Variants in CCSER1 observed in about 807,000 individuals in gnomAD.
The protein encoded by CCSER1 is coiled-coil serine rich protein 1, also known as serine-rich coiled-coil domain-containing protein 1.
In CCSER1, 41 loss-of-function variants were observed where a neutral mutation model predicts 82.0. The observed-to-expected ratio is 0.50, with a 90% CI of 0.39 to 0.65. The LOEUF is 0.65. CCSER1 is among the 30% of genes least tolerant of loss of function. The probability of loss-of-function intolerance (pLI) is 0.00; values close to 1 mark genes in which losing one functional copy is unlikely to be tolerated. For synonymous variants in CCSER1, 414 were observed against 383.9 expected, an observed-to-expected ratio of 1.08 and a Z score of -0.92; for missense variants, 1,119 against 1,064.2, an observed-to-expected ratio of 1.05 and a Z score of -0.72.
At chr4:90,794,156 CT>C (rs1755650733) in intron 7 of CCSER1, among the ~76,000 whole-genome samples, 1 of 152,096 alleles carries the variant, frequency 6.6e-6, no homozygotes. Flanking sequence ...TGCAGAAGGT[CT>C]TTTGTTTAAT....
intron 3 of CCSER1, among the ~76,000 whole-genome samples, chr4:90,318,743 A>G (rs1736600594): frequency 6.6e-6 from 1 of 152,110 alleles, no homozygotes; most frequent in Non-Finnish European, 1.5e-5. Flanking sequence ...CTGTTTTCTC[A>G]TTTATTAGCT....
Position 90,565,035 on chromosome 4 carries a change from AT to A in CCSER1, c.1725-62976del, listed in dbSNP as rs559940576. On this transcript the variant is annotated intron_variant, in intron 5 of 10. Transcript: ENST00000509176. ...TTCTGTGCTCCTATACAAAGTTCAG[AT>A]TTTTTTTTTTTTTCTGTGAAGATTG... Among the ~76,000 whole-genome samples the A allele has an allele frequency of 7.0e-3, 985 of 140,824 alleles. 9 individuals carry two copies. The highest frequency in any genetic ancestry group is 0.027 in the East Asian group (132 of 4,804). 92.4% of individuals were successfully genotyped at this position (140,824 alleles called of 152,430 possible). A position where few individuals can be genotyped will look rare whatever the true frequency, so the allele number is the denominator to read the frequency against.
intron 1 of CCSER1, among the ~76,000 whole-genome samples, chr4:90,213,963 T>C (rs975509235): frequency 6.6e-6 from 1 of 152,136 alleles, no homozygotes; most frequent in Admixed American, 6.6e-5. Flanking sequence ...AATAAGTCAA[T>C]AGCTGGAGGG....
At chr4:91,506,318 T>C (rs1314768547) in intron 10 of CCSER1, among the ~76,000 whole-genome samples, 1 of 152,066 alleles carries the variant, frequency 6.6e-6, no homozygotes, top group Non-Finnish European at 1.5e-5. Context: ...CAGTACCATG[T>C]TGTTTTGGCT....
intron 10 of CCSER1, among the ~76,000 whole-genome samples, chr4:91,318,089 G>A (rs1560586195): frequency 6.6e-6 from 1 of 151,800 alleles, no homozygotes; most frequent in African/African-American, 2.4e-5. Flanking sequence ...CACTCTTGCT[G>A]GTCATTGTAC....
intron 3 of CCSER1, among the ~76,000 whole-genome samples, chr4:90,322,126 A>C (rs1737256743): frequency 6.6e-6 from 1 of 152,134 alleles, no homozygotes; most frequent in Admixed American, 6.6e-5. Flanking sequence ...TCTTAGATTT[A>C]AGTGTTAATC....
chr4:90,244,207 G>A (rs1160383861), intron 1 of CCSER1, among the ~76,000 whole-genome samples: 1 of 152,168 alleles, frequency 6.6e-6, no homozygotes, highest in African/African-American at 2.4e-5. Flanking sequence ...TGTGAGTGGA[G>A]AGAAAATTAT....
chr4:91,097,944 C>A lies in CCSER1; in HGVS notation c.2217+11950C>A, dbSNP rs187352980. On this transcript the variant is annotated intron_variant, in intron 10 of 10. Coordinates refer to ENST00000509176, the MANE Select transcript of CCSER1 (RefSeq NM_001145065.2). ...ACTTTCTCTGCTGGATTACAGTGTG[C>A]TGATTCTCCATTTTCTTTGCTGAAA... Among the ~76,000 whole-genome samples the A allele has an allele frequency of 2.6e-5, 4 of 152,240 alleles. No individual in the cohort carries two copies. The East Asian group carries it at 7.7e-4, about 29-fold the overall frequency.
chr4:90,652,956 T>G lies in CCSER1; in HGVS notation c.1932+24724T>G, dbSNP rs532001818. Among the ~76,000 whole-genome samples the G allele has an allele frequency of 2.6e-5, 4 of 152,322 alleles. No individual in the cohort carries two copies. The South Asian group carries it at 8.3e-4, about 32-fold the overall frequency. Reference sequence around the variant, plus strand: ...TGTATGCATGTTAAATAAATTTGTCTGCTGTTCCTCCTATTAATTAATATG... The same window carrying G: ...TGTATGCATGTTAAATAAATTTGTCGGCTGTTCCTCCTATTAATTAATATG... On this transcript the variant is annotated intron_variant, in intron 6 of 10. Transcript: ENST00000509176.
intron 9 of CCSER1, among the ~76,000 whole-genome samples, chr4:91,082,247 C>T (rs781044164): frequency 5.9e-5 from 9 of 152,148 alleles, no homozygotes; most frequent in South Asian, 2.1e-4. Context: ...AAAGAGCCCT[C>T]GGAAATAATA....
At chr4:90,494,296 A>T (rs1379395705) in intron 5 of CCSER1, among the ~76,000 whole-genome samples, 1 of 152,150 alleles carries the variant, frequency 6.6e-6, no homozygotes, top group East Asian at 1.9e-4. Flanking sequence ...AGAGACTTAG[A>T]CTCCCACACA....
chr4:91,394,157 T>C (rs1260072861), intron 10 of CCSER1, among the ~76,000 whole-genome samples: 1 of 152,072 alleles, frequency 6.6e-6, no homozygotes. Context: ...CACAATGTAA[T>C]ACTGTAGTTA....
chr4:91,166,108 A>G lies in CCSER1; in HGVS notation c.2217+80114A>G, dbSNP rs1238053988. Among the ~76,000 whole-genome samples the G allele has an allele frequency of 2.0e-5, 3 of 152,358 alleles. No homozygotes were observed. In the East Asian group the frequency reaches 5.8e-4, roughly 29 times the overall value. On this transcript the variant is annotated intron_variant, in intron 10 of 10. Transcript: ENST00000509176. Reference sequence around the variant, plus strand: ...AACATTTTAAGATTTTTAAAAAGTTACAGTTTTATGAGTTACATCAGATAC... The same window carrying G: ...AACATTTTAAGATTTTTAAAAAGTTGCAGTTTTATGAGTTACATCAGATAC...
chr4:90,517,398 A>C (rs1018735797), intron 5 of CCSER1, among the ~76,000 whole-genome samples: 3 of 152,160 alleles, frequency 2.0e-5, no homozygotes, highest in African/African-American at 7.2e-5. Flanking sequence ...GATTTTATGA[A>C]TAGCTTGGAT....
At chr4:91,042,598 T>C (rs1193789808) in intron 9 of CCSER1, among the ~76,000 whole-genome samples, 1 of 152,206 alleles carries the variant, frequency 6.6e-6, no homozygotes, top group African/African-American at 2.4e-5. Context: ...GTACATAATC[T>C]TCCATCTAAA....
chr4:90,647,274 T>C (rs2149018984), intron 6 of CCSER1, among the ~76,000 whole-genome samples: 1 of 152,318 alleles, frequency 6.6e-6, no homozygotes, highest in Non-Finnish European at 1.5e-5. Flanking sequence ...CGCTGTGGTA[T>C]TGTTCCTTTA....
chr4:90,811,920 C>T (rs1245485417), intron 7 of CCSER1, among the ~76,000 whole-genome samples: 27 of 148,866 alleles, frequency 1.8e-4, no homozygotes, highest in Admixed American at 5.4e-4. Context: ...TACACACACA[C>T]ACACACACAC....
chr4:91,438,902 G>A (rs905215903), intron 10 of CCSER1, among the ~76,000 whole-genome samples: 3 of 152,118 alleles, frequency 2.0e-5, no homozygotes, highest in East Asian at 3.9e-4. Context: ...TGAAATGAAC[G>A]AAATGAAGCA....
At chr4:91,032,544 C>G (rs1312645402) in intron 9 of CCSER1, among the ~76,000 whole-genome samples, 1 of 152,184 alleles carries the variant, frequency 6.6e-6, no homozygotes, top group African/African-American at 2.4e-5. Flanking sequence ...GCATTCTTGT[C>G]AGACTTCAAT....
Sources: allele counts gnomAD v4.1 joint callset (sites outside exome capture counted in the v4.1 genomes callset), GRCh38; gene constraint gnomAD v4.1.1; transcripts MANE v1.5; gene names NCBI Gene and HGNC (gene_info 2026-07-23, HGNC 2026-07-21).